CNTN4: variants seen among roughly 807,000 people sequenced by gnomAD.
The protein encoded by CNTN4 is contactin 4.
Under a neutral mutation model 122.5 loss-of-function variants are expected in CNTN4, and 77 were observed. The observed-to-expected ratio is 0.63, with a 90% CI of 0.52 to 0.76. CNTN4 has a LOEUF of 0.76. Ranked by LOEUF, CNTN4 falls within the 30% of genes least tolerant of loss-of-function variation. The pLI is 0.00. For missense variants in CNTN4, 1,256 were observed against 1,259.1 expected, an observed-to-expected ratio of 1.00 and a Z score of 0.04; for synonymous variants, 512 against 447.0, an observed-to-expected ratio of 1.15 and a Z score of -1.83.
intron 2 of CNTN4, among the ~76,000 whole-genome samples, chr3:2,338,837 G>A (rs891466604): frequency 1.3e-5 from 2 of 151,976 alleles, no homozygotes; most frequent in African/African-American, 4.8e-5. Flanking sequence ...TCCTTTTAAT[G>A]TACCCTCTTA....
chr3:2,561,363 T>G (rs2078946009), intron 3 of CNTN4, among the ~76,000 whole-genome samples: 1 of 152,126 alleles, frequency 6.6e-6, no homozygotes, highest in African/African-American at 2.4e-5. Context: ...GATAGAAGCT[T>G]TAAGAGTTTG....
At position 2,988,411 on chromosome 3, in the gene CNTN4, T is replaced by C. The variant is rs369272080; in HGVS notation, c.1425T>C (p.Tyr475=). 1.2e-6 allele frequency: 2 copies of C among 1,613,690 alleles called. No individual in the cohort carries two copies. Among genetic ancestry groups the C allele is most frequent in the African/African-American group, 1.3e-5 (1 of 74,924 alleles). ...TTACTAAATCAGACGCTGGGAGTTATACCTGTATAGCCACTAACCATTTTG... is the reference window on the plus strand; with the variant it reads ...TTACTAAATCAGACGCTGGGAGTTACACCTGTATAGCCACTAACCATTTTG... The part of the protein sequence containing the change: ...INVTKSDAGS[Y]TCIATNHFGT... Residue 475 remains tyrosine (Y), a synonymous_variant, in exon 14 of 25, where the codon TAT becomes TAC. Coordinates refer to ENST00000418658, the MANE Select transcript of CNTN4 (RefSeq NM_175607.3).
chr3:2,603,171 CT>C (rs752552448), intron 4 of CNTN4, among the ~76,000 whole-genome samples: 1 of 151,814 alleles, frequency 6.6e-6, no homozygotes, highest in Non-Finnish European at 1.5e-5. Flanking sequence ...AACAAAGTTG[CT>C]GTTACTCTAT....
intron 2 of CNTN4, among the ~76,000 whole-genome samples, chr3:2,143,848 G>A (rs547061921): frequency 6.6e-6 from 1 of 152,172 alleles, no homozygotes; most frequent in Non-Finnish European, 1.5e-5. Context: ...AAGGTAAGAT[G>A]CTAATTAAAG....
At chr3:2,739,816 A>G (rs1031288560) in intron 5 of CNTN4, among the ~76,000 whole-genome samples, 5 of 152,236 alleles carry the variant, frequency 3.3e-5, no homozygotes, top group Admixed American at 6.5e-5. Flanking sequence ...TAAATTGTGA[A>G]AAAGTAACTA....
intron 5 of CNTN4, among the ~76,000 whole-genome samples, chr3:2,738,302 C>T (rs1328917123): frequency 6.6e-6 from 1 of 152,124 alleles, no homozygotes; most frequent in South Asian, 2.1e-4. Flanking sequence ...GCTGACTTCT[C>T]AATAGCAACA....
At position 2,557,635 on chromosome 3, in the gene CNTN4, A is replaced by G. The variant is rs936397641; in HGVS notation, c.-88-13781A>G. 5.3e-5 allele frequency among the ~76,000 whole-genome samples: 8 copies of G among 152,122 alleles called. No individual in the cohort carries two copies. In the East Asian group the frequency reaches 1.2e-3, roughly 22 times the overall value. The stretch of plus-strand genomic sequence containing the variant: ...TTCCAGCTACTCAGGAAGCTGAGGC[A>G]GGAGAATGGCGTGAACCTGGGAGGC... On this transcript the variant is annotated intron_variant, in intron 3 of 24. Transcript: ENST00000418658.
intron 3 of CNTN4, among the ~76,000 whole-genome samples, chr3:2,342,065 A>G (rs544832653): frequency 6.6e-6 from 1 of 152,360 alleles, no homozygotes; most frequent in African/African-American, 2.4e-5. Context: ...CAGTGGTTGA[A>G]TGGGCCATTT....
chr3:2,126,324 A>G (rs2125247902), intron 2 of CNTN4, among the ~76,000 whole-genome samples: 1 of 152,274 alleles, frequency 6.6e-6, no homozygotes, highest in Non-Finnish European at 1.5e-5. Context: ...TGCGCCCAGT[A>G]CATGGCACAT....
chr3:2,943,124 G>A (rs984515636), intron 13 of CNTN4, among the ~76,000 whole-genome samples: 5 of 152,106 alleles, frequency 3.3e-5, no homozygotes, highest in African/African-American at 7.2e-5. Context: ...TCAGAATGCC[G>A]CCTTTAGGGT....
chr3:2,588,458 C>T (rs763029500), intron 4 of CNTN4, among the ~76,000 whole-genome samples: 4 of 150,428 alleles, frequency 2.7e-5, no homozygotes, highest in Non-Finnish European at 5.9e-5. Context: ...CCTCTGCCTC[C>T]CAGGTTCAAG....
At chr3:2,525,265 A>T (rs986919919) in intron 3 of CNTN4, among the ~76,000 whole-genome samples, 1 of 152,130 alleles carries the variant, frequency 6.6e-6, no homozygotes, top group African/African-American at 2.4e-5. Flanking sequence ...TCTTTTTCCA[A>T]TTGAAAATAG....
intron 13 of CNTN4, among the ~76,000 whole-genome samples, chr3:2,950,757 A>G (rs1405428871): frequency 3.3e-5 from 5 of 152,212 alleles, no homozygotes; most frequent in Non-Finnish European, 5.9e-5. Context: ...CTCTATATGG[A>G]GACCTTCCTG....
At chr3:2,482,492 AT>A (rs1396021661) in intron 3 of CNTN4, among the ~76,000 whole-genome samples, 2 of 152,162 alleles carry the variant, frequency 1.3e-5, no homozygotes, top group Admixed American at 1.3e-4. Flanking sequence ...TCCATAAGTA[AT>A]AAGGAGCTGA....
chr3:2,184,242 T>C (rs554961763), intron 2 of CNTN4, among the ~76,000 whole-genome samples: 55 of 152,264 alleles, frequency 3.6e-4, no homozygotes, highest in Admixed American at 1.4e-3. Flanking sequence ...AGCTTTGGCC[T>C]CCCAAGGGTT....
At chr3:2,877,254 C>A (rs561558627) in intron 8 of CNTN4, among the ~76,000 whole-genome samples, 22 of 152,280 alleles carry the variant, frequency 1.4e-4, no homozygotes, top group African/African-American at 4.8e-4. Context: ...GTGGGCACTG[C>A]ATATGGCTTA....
intron 4 of CNTN4, among the ~76,000 whole-genome samples, chr3:2,596,885 C>T (rs1249219937): frequency 6.6e-6 from 1 of 152,118 alleles, no homozygotes; most frequent in Non-Finnish European, 1.5e-5. Context: ...GGCTACTTAT[C>T]TTATTGTCAA....
chr3:2,166,710 C>A (rs1350814871), intron 2 of CNTN4, among the ~76,000 whole-genome samples: 2 of 152,054 alleles, frequency 1.3e-5, no homozygotes, highest in Non-Finnish European at 2.9e-5. Flanking sequence ...AAGGGAATCA[C>A]TGAAGACTTA....
At chr3:2,446,218 T>G (rs1178354799) in intron 3 of CNTN4, among the ~76,000 whole-genome samples, 1 of 152,134 alleles carries the variant, frequency 6.6e-6, no homozygotes, top group Non-Finnish European at 1.5e-5. Flanking sequence ...ATTTTTTCAG[T>G]GTAGGATCTT....
Sources: gnomAD v4.1 joint callset for allele counts (sites outside exome capture counted in the v4.1 genomes callset) on GRCh38, gnomAD v4.1.1 for gene constraint, MANE v1.5 for transcripts, NCBI Gene and HGNC (gene_info 2026-07-23, HGNC 2026-07-21) for gene names.